The following ZFP91 variants were observed in gnomAD, a reference collection of about 807,000 sequenced individuals.
The protein encoded by ZFP91 is E3 ubiquitin-protein ligase ZFP91.
Under a neutral mutation model 63.5 loss-of-function variants are expected in ZFP91, and 7 were observed. The observed-to-expected ratio is 0.11, with a 90% CI of 0.06 to 0.21. ZFP91 has a LOEUF of 0.21. Ranked by LOEUF, ZFP91 falls within the 10% of genes least tolerant of loss-of-function variation. The probability of loss-of-function intolerance (pLI) is 1.00; values close to 1 mark genes in which losing one functional copy is unlikely to be tolerated. For missense variants in ZFP91, 628 were observed against 736.6 expected (o/e 0.85, Z 1.71); for synonymous variants, 330 against 272.1 (o/e 1.21, Z -2.10).
chr11:58,611,871 G>C, intron 6 of ZFP91, 133 bp downstream of exon 6: 1 of 1,187,168 alleles, frequency 8.4e-7, no homozygotes, highest in East Asian at 2.7e-5. Context: ...AAAAAAATTT[G>C]GCCTCAAGCA....
At chr11:58,611,337 A>G (rs1398169357) in intron 5 of ZFP91, 2 of 493,750 alleles carry the variant, frequency 4.1e-6, no homozygotes, top group African/African-American at 4.0e-5. Flanking sequence ...AGAATTTTTT[A>G]ACTAATTGTC....
intron 2 of ZFP91, among the ~76,000 whole-genome samples, chr11:58,595,164 T>G (rs1307363357): frequency 6.6e-6 from 1 of 152,228 alleles, no homozygotes; most frequent in Non-Finnish European, 1.5e-5. Context: ...CTTGGTTTCT[T>G]CATCTATGAA....
In ZFP91 at chr11:58,609,840, A is replaced by C. The variant is rs2134417881; in HGVS notation, c.381A>C (p.Glu127Asp). 1 of 1,614,210 alleles carries C rather than the reference A, an allele frequency of 6.2e-7. No homozygotes were observed. The highest frequency in any genetic ancestry group is 1.1e-5 in the South Asian group (1 of 91,088). ...EKVTTDKDPK[E>D]EKEEEDDSAL... ...TGTCTTTTTATTTAGATCCCAAGGA[A>C]GAAAAAGAGGAAGAAGACGATTCTG... The change falls in exon 3 of 11, where the codon GAA becomes GAC. Residue 127 changes from glutamate to aspartate, a missense_variant. Glu to Asp is a conservative substitution (Grantham distance 45). This residue lies in a region of ZFP91 where 437 missense variants were observed against 380.3 expected (regional missense o/e 1.15). Coordinates refer to ENST00000316059, the MANE Select transcript of ZFP91 (RefSeq NM_053023.5).
chr11:58,592,190 C>T (rs1425211529), intron 2 of ZFP91, among the ~76,000 whole-genome samples: 9 of 150,760 alleles, frequency 6.0e-5, no homozygotes, highest in Non-Finnish European at 1.2e-4. Context: ...TCAAGTGATC[C>T]TCCTGCCTCA....
chr11:58,616,990 CA>C (rs2134426323), intron 10 of ZFP91, among the ~76,000 whole-genome samples, 175 bp downstream of exon 10: 1 of 152,008 alleles, frequency 6.6e-6, no homozygotes, highest in African/African-American at 2.4e-5. Context: ...CTCTGTTTTT[CA>C]GGCAAACAGA....
At chr11:58,593,543 C>T (rs945519431) in intron 2 of ZFP91, among the ~76,000 whole-genome samples, 2 of 152,042 alleles carry the variant, frequency 1.3e-5, no homozygotes, top group Admixed American at 6.6e-5. Flanking sequence ...AATGAATAAG[C>T]CAGATGTTGG....
At chr11:58,579,656 C>A in intron 1 of ZFP91, 34 bp downstream of exon 1, 1 of 1,497,470 alleles carries the variant, frequency 6.7e-7, no homozygotes. Flanking sequence ...TGGGAAAGAC[C>A]CCCCTCTGTC....
chr11:58,610,433 C>A, intron 4 of ZFP91, 99 bp downstream of exon 4: 2 of 1,211,216 alleles, frequency 1.7e-6, no homozygotes, highest in Non-Finnish European at 2.2e-6. Context: ...TTATTTTGAG[C>A]TGTAAGAGAA....
rs115292848 is a variant in ZFP91, at chr11:58,597,039, G to A, written c.370+12155G>A. ...ACACCTTTGATGTTAAATTCATGAG[G>A]TAACCAGGGGCATTGTCCAATATCA... On this transcript the variant is annotated intron_variant, in intron 2 of 10. Coordinates refer to ENST00000316059, the MANE Select transcript of ZFP91 (RefSeq NM_053023.5). 4.4e-3 allele frequency among the ~76,000 whole-genome samples: 664 copies of A among 152,254 alleles called. 5 individuals are homozygous for A. The highest frequency in any genetic ancestry group is 0.016 in the African/African-American group (645 of 41,546).
chr11:58,600,270 A>G lies in ZFP91; in HGVS notation c.371-9560A>G, dbSNP rs943092240. ...AGAATTACAGTTAATCTGTGGGTTT[A>G]TTTTCAGAGTATTGTCATCTTAACA... On this transcript the variant is annotated intron_variant, in intron 2 of 10. Transcript: ENST00000316059. Among the ~76,000 whole-genome samples, 4 of 151,764 alleles carry G rather than the reference A, an allele frequency of 2.6e-5. No individual in the cohort carries two copies. In the East Asian group the frequency reaches 7.7e-4, roughly 29 times the overall value.
intron 2 of ZFP91, among the ~76,000 whole-genome samples, chr11:58,608,146 A>C (rs1166379250): frequency 6.6e-6 from 1 of 151,832 alleles, no homozygotes; most frequent in East Asian, 2.0e-4. Context: ...AGAGTAGACA[A>C]CTAAACATTC....
chr11:58,612,897 C>A, intron 8 of ZFP91, 57 bp downstream of exon 8: 1 of 1,429,204 alleles, frequency 7.0e-7, no homozygotes, highest in Non-Finnish European at 9.7e-7. Flanking sequence ...CTTGTTCTTG[C>A]ACCACGAGAC....
At chr11:58,606,391 T>C (rs1252789799) in intron 2 of ZFP91, among the ~76,000 whole-genome samples, 2 of 152,178 alleles carry the variant, frequency 1.3e-5, no homozygotes, top group African/African-American at 2.4e-5. Context: ...TTTATAGTTA[T>C]CTTTTTATTG....
chr11:58,605,695 T>C (rs1855559396), intron 2 of ZFP91, among the ~76,000 whole-genome samples: 1 of 152,152 alleles, frequency 6.6e-6, no homozygotes. Context: ...TATGGTTCTT[T>C]GTATTTGTCT....
chr11:58,621,099 G>A lies in ZFP91; in HGVS notation c.*3393G>A, dbSNP rs1855843928. On this transcript the variant is annotated 3_prime_UTR_variant, in exon 11 of 11. Coordinates refer to ENST00000316059, the MANE Select transcript of ZFP91 (RefSeq NM_053023.5). ...CAGTTATCCTAGGGGTGAAACATGT[G>A]ATGCTGCTAAGCAAACCAAATGCCC... 6.6e-6 allele frequency: 1 copy of A among 152,620 alleles called. No individual in the cohort carries two copies. The highest frequency in any genetic ancestry group is 2.4e-5 in the African/African-American group (1 of 41,450). 9.5% of individuals were successfully genotyped at this position (152,620 alleles called of 1,614,324 possible).
chr11:58,610,078 T>C, intron 3 of ZFP91, 39 bp downstream of exon 3: 6 of 1,599,736 alleles, frequency 3.8e-6, no homozygotes, highest in Non-Finnish European at 5.1e-6. Flanking sequence ...ACTAACTAGT[T>C]GCTGTTACAT....
In ZFP91 at chr11:58,579,629, AAC is replaced by A. The variant is rs1855060534; in HGVS notation, c.341+9_341+10del. ...AGAAGAGTCCGCGACTCCTGTGAGT[AAC>A]AGTCTTTCAGGCGGTGGGAAAGACC... On this transcript the variant is annotated splice_region_variant and intron_variant, in intron 1 of 10. Transcript: ENST00000316059. The A allele has an allele frequency of 6.4e-7, 1 of 1,553,710 alleles. No homozygotes were observed. The highest frequency in any genetic ancestry group is 8.6e-7 in the Non-Finnish European group (1 of 1,156,510).
At position 58,609,902 on chromosome 11, in the gene ZFP91, C is replaced by A. The variant is rs758433507; in HGVS notation, c.443C>A (p.Pro148His). Residue 148 changes from proline (P) to histidine (H), a missense_variant, in exon 3 of 11, where the codon CCT becomes CAT. By Grantham distance (77) the Pro-to-His change is moderately conservative. This residue lies in a region of ZFP91 where 437 missense variants were observed against 380.3 expected (regional missense o/e 1.15). Coordinates refer to ENST00000316059, the MANE Select transcript of ZFP91 (RefSeq NM_053023.5). ...GAAGTTTCCATTGCTGCATCTAGAC[C>A]TAGCCGGGGCTGGCGTAGTAGTAGG... is the stretch of plus-strand genomic sequence containing the variant. ...PQEVSIAASR[P>H]SRGWRSSRTS... 1.2e-6 allele frequency: 2 copies of A among 1,614,146 alleles called. No individual in the cohort carries two copies. Among genetic ancestry groups the A allele is most frequent in the Non-Finnish European group, 1.7e-6 (2 of 1,180,020 alleles).
chr11:58,601,610 T>A (rs2515365), intron 2 of ZFP91, among the ~76,000 whole-genome samples: 1 of 134,464 alleles, frequency 7.4e-6, no homozygotes, highest in Non-Finnish European at 1.6e-5. Context: ...AGGCATGTGA[T>A]TTTTTTTTTT....
Sources: allele counts gnomAD v4.1 joint callset (sites outside exome capture counted in the v4.1 genomes callset), GRCh38; gene constraint gnomAD v4.1.1; regional missense constraint gnomAD v4.1.1; transcripts MANE v1.5; gene names NCBI Gene and HGNC (gene_info 2026-07-23, HGNC 2026-07-21).